The following ADAM28 variants were observed in gnomAD, a reference collection of about 807,000 sequenced individuals.
ADAM28 encodes ADAM metallopeptidase domain 28.
A neutral mutation model predicts 101.2 loss-of-function variants in ADAM28; 105 were observed. The observed-to-expected ratio is 1.04, with a 90% CI of 0.89 to 1.22. ADAM28 has a LOEUF of 1.22. Among genes scored for constraint, ADAM28 ranks in the 50% most tolerant of loss-of-function variants. ADAM28 has a pLI of 0.00. For synonymous variants in ADAM28, 322 were observed against 310.6 expected, an observed-to-expected ratio of 1.04 and a Z score of -0.39; for missense variants, 1,028 against 945.4, an observed-to-expected ratio of 1.09 and a Z score of -1.15.
chr8:24,349,021 G>A (rs968337175), intron 18 of ADAM28, among the ~76,000 whole-genome samples: 5 of 152,100 alleles, frequency 3.3e-5, no homozygotes, highest in African/African-American at 1.2e-4. Flanking sequence ...GCGAATATTT[G>A]AACTAAAGTC....
At chr8:24,349,264 G>C (rs1293021061) in intron 18 of ADAM28, among the ~76,000 whole-genome samples, 2 of 152,168 alleles carry the variant, frequency 1.3e-5, no homozygotes, top group African/African-American at 4.8e-5. Context: ...GAGCAAAAGA[G>C]TGAAGTTATA....
intron 18 of ADAM28, among the ~76,000 whole-genome samples, chr8:24,346,558 C>T (rs1815422229): frequency 6.6e-6 from 1 of 152,046 alleles, no homozygotes; most frequent in Admixed American, 6.6e-5. Flanking sequence ...AAATGATTTG[C>T]AGCATGACAA....
In ADAM28 at chr8:24,335,580, C is replaced by A. The variant is rs1162637272; in HGVS notation, c.1506C>A (p.Gly502=). Residue 502 remains glycine (G), a synonymous_variant, in exon 14 of 23, where the codon GGC becomes GGA. Transcript: ENST00000265769. Reference sequence around the variant, plus strand: ...GCTTCCCTTGCCATCACGGGAAGGGCCACTGCTTGATGGGGACATGCCCCA... The same window carrying A: ...GCTTCCCTTGCCATCACGGGAAGGGACACTGCTTGATGGGGACATGCCCCA... ...VNGFPCHHGK[G]HCLMGTCPTL... 6.2e-7 allele frequency: 1 copy of A among 1,613,560 alleles called. No homozygotes were observed. Among genetic ancestry groups the A allele is most frequent in the African/African-American group, 1.3e-5 (1 of 74,888 alleles).
chr8:24,326,532 T>C, intron 9 of ADAM28, 22 bp from the exon 10 acceptor site: 2 of 1,602,316 alleles, frequency 1.2e-6, no homozygotes, highest in Non-Finnish European at 1.7e-6. Flanking sequence ...ATTTGTTACA[T>C]CAATTTATTC....
intron 5 of ADAM28, among the ~76,000 whole-genome samples, chr8:24,313,178 T>A (rs1810697992): frequency 6.6e-6 from 1 of 152,236 alleles, no homozygotes; most frequent in African/African-American, 2.4e-5. Flanking sequence ...TCACTTCTCC[T>A]TAATATGTCT....
intron 10 of ADAM28, 106 bp from the exon 11 acceptor site, chr8:24,329,879 G>C (rs966514946): frequency 1.5e-5 from 14 of 946,074 alleles, no homozygotes; most frequent in Non-Finnish European, 1.8e-5. Flanking sequence ...TTGTGTGTGT[G>C]TGTGTGTGAG....
Position 24,352,044 on chromosome 8 carries a change from G to C in ADAM28, c.2236G>C (p.Ala746Pro), listed in dbSNP as rs368850474. ...GCCAGTAGAAGGCAATGAGCCCCCA[G>C]CCTCTTTTGTGAGTTAGCAACTTCT... ...DLPVEGNEPP[A>P]SFHKDTNALP... Residue 746 changes from alanine (A) to proline (P), a missense_variant, in exon 21 of 23, where the codon GCC (alanine) becomes CCC (proline). Physicochemically the swap from Ala to Pro is conservative, Grantham distance 27. Transcript: ENST00000265769. 4 of 1,613,604 alleles carry C rather than the reference G, an allele frequency of 2.5e-6. No homozygotes were observed. Among genetic ancestry groups the C allele is most frequent in the Non-Finnish European group, 3.4e-6 (4 of 1,179,742 alleles).
At chr8:24,311,199 C>A (rs929973454) in intron 4 of ADAM28, among the ~76,000 whole-genome samples, 162 bp from the exon 5 acceptor site, 1 of 152,174 alleles carries the variant, frequency 6.6e-6, no homozygotes, top group African/African-American at 2.4e-5. Context: ...TTTTAACTTA[C>A]ATGAAAGATT....
intron 2 of ADAM28, among the ~76,000 whole-genome samples, chr8:24,307,197 C>T (rs1004209843): frequency 3.9e-5 from 6 of 152,198 alleles, no homozygotes; most frequent in African/African-American, 1.4e-4. Context: ...GACCACCCTT[C>T]TGATCAAGGG....
chr8:24,311,271 T>C (rs1401688936), intron 4 of ADAM28, 90 bp from the exon 5 acceptor site: 1 of 931,364 alleles, frequency 1.1e-6, no homozygotes, highest in Non-Finnish European at 1.7e-6. Context: ...TGAAAGCATT[T>C]AAAATCCTGT....
intron 2 of ADAM28, among the ~76,000 whole-genome samples, chr8:24,304,780 C>G (rs1239659989): frequency 1.3e-4 from 20 of 151,598 alleles, no homozygotes; most frequent in Admixed American, 1.3e-3. Context: ...GCAGGAGAAT[C>G]ATTGGAAACC....
Position 24,333,105 on chromosome 8 carries a change from G to A in ADAM28, c.1371+356G>A, listed in dbSNP as rs563555546. Among the ~76,000 whole-genome samples the A allele has an allele frequency of 1.2e-4, 19 of 152,228 alleles. 1 individual carries two copies. In the South Asian group the frequency reaches 3.9e-3, roughly 32 times the overall value. On this transcript the variant is annotated intron_variant, in intron 13 of 22. Transcript: ENST00000265769. ...CTGCATACTGATCTCACTTGTATGT[G>A]GAATCCAAAAACGTTGAATACACGC...
intron 1 of ADAM28, among the ~76,000 whole-genome samples, chr8:24,299,096 G>A (rs548839770): frequency 6.6e-6 from 1 of 152,168 alleles, no homozygotes; most frequent in Non-Finnish European, 1.5e-5. Flanking sequence ...TGGAGGCTGA[G>A]GTGGAAGGAT....
At chr8:24,338,360 T>A (rs1814351504) in intron 14 of ADAM28, among the ~76,000 whole-genome samples, 1 of 152,194 alleles carries the variant, frequency 6.6e-6, no homozygotes, top group South Asian at 2.1e-4. Flanking sequence ...GCCAGATATA[T>A]GAATGATACC....
At chr8:24,332,551 A>G (rs547787025) in intron 12 of ADAM28, 109 bp from the exon 13 acceptor site, 13 of 503,556 alleles carry the variant, frequency 2.6e-5, no homozygotes, top group Admixed American at 7.2e-5. Flanking sequence ...AGTCCTATTT[A>G]GACTCCACGA....
In ADAM28 at chr8:24,298,198, A is replaced by C. The variant is rs1808226484; in HGVS notation, c.47-1776A>C. Reference sequence around the variant, plus strand: ...TTAAAGACTCAAACCAAATAAAAAAAATAAGGTATTCTAATGTCAGTGCCA... The same window carrying C: ...TTAAAGACTCAAACCAAATAAAAAACATAAGGTATTCTAATGTCAGTGCCA... On this transcript the variant is annotated intron_variant, in intron 1 of 22. Transcript: ENST00000265769. Among the ~76,000 whole-genome samples, 10 of 152,338 alleles carry C rather than the reference A, an allele frequency of 6.6e-5. 1 individual carries two copies. In the South Asian group the frequency reaches 2.1e-3, roughly 32 times the overall value.
rs375413622 is a variant in ADAM28, at chr8:24,343,084, T to C, written c.1831-17T>C. On this transcript the variant is annotated splice_polypyrimidine_tract_variant and intron_variant, in intron 16 of 22. Coordinates refer to ENST00000265769, the MANE Select transcript of ADAM28 (RefSeq NM_014265.6). ...TTCAGAGAAGATGAAGCTTCATGTT[T>C]TCTACATCACTTTCAGGTTTGCATT... The C allele has an allele frequency of 1.7e-5, 27 of 1,613,534 alleles. No individual in the cohort carries two copies. In the African/African-American group the frequency reaches 2.7e-4, roughly 16 times the overall value.
intron 6 of ADAM28, among the ~76,000 whole-genome samples, chr8:24,319,589 A>G (rs541322350): frequency 6.6e-6 from 1 of 152,156 alleles, no homozygotes; most frequent in Admixed American, 6.6e-5. Context: ...GCACTTCCAG[A>G]AATGCAATCT....
At chr8:24,329,277 C>A (rs937412157) in intron 10 of ADAM28, among the ~76,000 whole-genome samples, 1 of 152,132 alleles carries the variant, frequency 6.6e-6, no homozygotes, top group Non-Finnish European at 1.5e-5. Flanking sequence ...ACATTTAGTT[C>A]TTTGAGATGA....
Sources: gnomAD v4.1 joint callset for allele counts (sites outside exome capture counted in the v4.1 genomes callset) on GRCh38, gnomAD v4.1.1 for gene constraint, MANE v1.5 for transcripts, NCBI Gene and HGNC (gene_info 2026-07-23, HGNC 2026-07-21) for gene names.